Variants in PAM observed in about 807,000 individuals in gnomAD.
PAM encodes the protein peptidyl-glycine alpha-amidating monooxygenase.
Under a neutral mutation model 122.1 loss-of-function variants are expected in PAM, and 72 were observed. That is an observed-to-expected ratio of 0.59 (90% CI 0.49 to 0.72). The LOEUF (loss-of-function observed/expected upper bound fraction) is 0.72. PAM is among the 30% of genes least tolerant of loss of function. The pLI is 0.00. For missense variants in PAM, 1,106 were observed against 1,183.7 expected, an observed-to-expected ratio of 0.93 and a Z score of 0.96; for synonymous variants, 389 against 404.4, an observed-to-expected ratio of 0.96 and a Z score of 0.46.
chr5:102,809,916 G>C (rs1767404290), intron 1 of PAM, among the ~76,000 whole-genome samples: 1 of 151,982 alleles, frequency 6.6e-6, no homozygotes, highest in South Asian at 2.1e-4. Flanking sequence ...AAATTTACTT[G>C]TTCATTGCTA....
intron 1 of PAM, among the ~76,000 whole-genome samples, chr5:102,853,958 A>G (rs958740806): frequency 1.3e-5 from 2 of 152,244 alleles, no homozygotes; most frequent in African/African-American, 4.8e-5. Flanking sequence ...GTAATGATTC[A>G]GCTTAGCCTT....
intron 1 of PAM, among the ~76,000 whole-genome samples, chr5:102,842,205 A>ATATATATATATATATATATAT (rs1778832443): frequency 2.1e-5 from 3 of 143,042 alleles, no homozygotes; most frequent in Admixed American, 1.4e-4. Context: ...ATACAACCTA[A>ATATATATATATATATATATAT]ATATATATAT....
At chr5:102,852,050 A>G (rs563968685) in intron 1 of PAM, among the ~76,000 whole-genome samples, 1 of 152,316 alleles carries the variant, frequency 6.6e-6, no homozygotes, top group South Asian at 2.1e-4. Context: ...ACCCAGCATA[A>G]CCAATGTGGA....
chr5:102,762,994 T>C (rs1464908674), intron 1 of PAM, among the ~76,000 whole-genome samples: 1 of 152,212 alleles, frequency 6.6e-6, no homozygotes, highest in Non-Finnish European at 1.5e-5. Flanking sequence ...CAGAGCAGAC[T>C]GATGATGAGT....
intron 3 of PAM, among the ~76,000 whole-genome samples, 178 bp downstream of exon 3, chr5:102,867,571 T>A (rs539846607): frequency 6.6e-6 from 1 of 152,242 alleles, no homozygotes; most frequent in Non-Finnish European, 1.5e-5. Context: ...TCAAGGTGAA[T>A]CTTTCACTTA....
intron 11 of PAM, among the ~76,000 whole-genome samples, chr5:102,950,267 G>C (rs1238222696): frequency 1.3e-5 from 2 of 151,950 alleles, no homozygotes; most frequent in Non-Finnish European, 2.9e-5. Context: ...GATTTTTATG[G>C]GATGCATTTG....
At chr5:102,767,087 T>C (rs1182817083) in intron 1 of PAM, among the ~76,000 whole-genome samples, 1 of 151,674 alleles carries the variant, frequency 6.6e-6, no homozygotes, top group Non-Finnish European at 1.5e-5. Flanking sequence ...CAGATTGACC[T>C]CCCTCTGTTA....
chr5:102,846,194 C>T (rs2150651941), intron 1 of PAM, among the ~76,000 whole-genome samples: 1 of 152,278 alleles, frequency 6.6e-6, no homozygotes, highest in African/African-American at 2.4e-5. Flanking sequence ...TCTCACTGGT[C>T]ACCTGCCTCC....
chr5:102,877,307 G>T (rs1034909963), intron 3 of PAM, among the ~76,000 whole-genome samples: 1 of 152,154 alleles, frequency 6.6e-6, no homozygotes, highest in Non-Finnish European at 1.5e-5. Flanking sequence ...CTAATGCAAG[G>T]CCCTATATGA....
chr5:102,937,178 A>G (rs1296537571), intron 7 of PAM, among the ~76,000 whole-genome samples: 1 of 152,174 alleles, frequency 6.6e-6, no homozygotes, highest in African/African-American at 2.4e-5. Flanking sequence ...TGCATATCTG[A>G]CATTCTCAGA....
chr5:102,860,102 T>C (rs548842837), intron 1 of PAM, among the ~76,000 whole-genome samples: 33 of 152,318 alleles, frequency 2.2e-4, no homozygotes, highest in African/African-American at 7.5e-4. Flanking sequence ...TTGATGTCTT[T>C]TTTCTTCCTG....
chr5:102,793,362 A>C (rs1457808490), intron 1 of PAM, among the ~76,000 whole-genome samples: 1 of 138,266 alleles, frequency 7.2e-6, no homozygotes, highest in Non-Finnish European at 1.6e-5. Flanking sequence ...CTGTCTCTTC[A>C]AAAAAAAATG....
intron 1 of PAM, among the ~76,000 whole-genome samples, chr5:102,830,793 A>C (rs1024928903): frequency 6.6e-6 from 1 of 152,242 alleles, no homozygotes; most frequent in Non-Finnish European, 1.5e-5. Context: ...CTATTAATTA[A>C]GAATTCTGTA....
chr5:102,920,921 G>A (rs1747231008), intron 5 of PAM, among the ~76,000 whole-genome samples: 2 of 151,904 alleles, frequency 1.3e-5, no homozygotes, highest in East Asian at 1.9e-4. Flanking sequence ...CAGTCATGCT[G>A]TATTTGGATA....
At chr5:102,915,161 T>C (rs1023278196) in intron 5 of PAM, among the ~76,000 whole-genome samples, 3 of 152,124 alleles carry the variant, frequency 2.0e-5, no homozygotes, top group African/African-American at 7.2e-5. Flanking sequence ...AAATGACTGG[T>C]GTGCTTTGCT....
chr5:102,850,732 T>C (rs1237050329), intron 1 of PAM, among the ~76,000 whole-genome samples: 2 of 152,116 alleles, frequency 1.3e-5, no homozygotes, highest in African/African-American at 4.8e-5. Flanking sequence ...AGGGGGCGGC[T>C]GGCGGGGTGG....
At chr5:102,985,361 T>C (rs1375529289) in intron 15 of PAM, among the ~76,000 whole-genome samples, 1 of 151,536 alleles carries the variant, frequency 6.6e-6, no homozygotes, top group African/African-American at 2.4e-5. Flanking sequence ...ATAAATAAAA[T>C]CAGAAATGAA....
At chr5:102,822,667 C>T (rs1269639734) in intron 1 of PAM, among the ~76,000 whole-genome samples, 1 of 152,082 alleles carries the variant, frequency 6.6e-6, no homozygotes, top group Admixed American at 6.5e-5. Context: ...CAGAACTGCC[C>T]TAAGTGTGAA....
intron 1 of PAM, chr5:102,838,422 A>G (rs1777672315): frequency 6.6e-6 from 1 of 152,182 alleles, no homozygotes; most frequent in Non-Finnish European, 1.5e-5. Context: ...ATTATACAGT[A>G]AAAGATAAAT....
Sources: allele counts gnomAD v4.1 joint callset (sites outside exome capture counted in the v4.1 genomes callset), GRCh38; gene constraint gnomAD v4.1.1; transcripts MANE v1.5; gene names NCBI Gene and HGNC (gene_info 2026-07-23, HGNC 2026-07-21).